The following CLK1 variants were observed in gnomAD, a reference collection of about 807,000 sequenced individuals.
The protein encoded by CLK1 is dual specificity protein kinase CLK1.
In CLK1, 40 loss-of-function variants were observed where a neutral mutation model predicts 60.9. That is an observed-to-expected ratio of 0.66 (90% CI 0.51 to 0.86). The LOEUF (loss-of-function observed/expected upper bound fraction) is 0.86, where lower values mean the gene tolerates loss of function less well. Among genes scored for constraint, CLK1 ranks in the 40% least tolerant of loss-of-function variants. CLK1 has a pLI of 0.00. For missense variants in CLK1, 563 were observed against 606.1 expected, an observed-to-expected ratio of 0.93 and a Z score of 0.75; for synonymous variants, 203 against 184.4, an observed-to-expected ratio of 1.10 and a Z score of -0.82.
At chr2:200,861,096 C>T in intron 3 of CLK1, 142 bp downstream of exon 3, 2 of 1,455,766 alleles carry the variant, frequency 1.4e-6, no homozygotes, top group Non-Finnish European at 1.8e-6. Context: ...CTATCCAATG[C>T]ACAAACACAG....
At chr2:200,860,603 G>A in intron 3 of CLK1, 1 of 998,020 alleles carries the variant, frequency 1.0e-6, no homozygotes. Context: ...ACTTGTCAAA[G>A]TAGGCGGTGG....
At chr2:200,854,218 G>C (rs766304752) in intron 11 of CLK1, 1 of 402,312 alleles carries the variant, frequency 2.5e-6, no homozygotes, top group Non-Finnish European at 4.4e-6. Context: ...CCTGAGACTT[G>C]GTAGAGTGAA....
In CLK1 at chr2:200,860,198, T is replaced by C; in HGVS notation, c.408A>G (p.Lys136=). Residue 136 remains lysine (K), a synonymous_variant, in exon 4 of 13, where the codon AAA becomes AAG. Transcript: ENST00000321356. ...RRSHGKSHRR[K]RTRSVEDDEE... is the part of the protein sequence containing the mutation. ...CATCATCCTCTACACTCCTGGTTCTTTTCCTTCGGTGACTCTTCTGGAAAC... is the reference window on the plus strand; with the variant it reads ...CATCATCCTCTACACTCCTGGTTCTCTTCCTTCGGTGACTCTTCTGGAAAC... The C allele has an allele frequency of 6.2e-7, 1 of 1,614,116 alleles. No individual in the cohort carries two copies. Among genetic ancestry groups the C allele is most frequent in the Non-Finnish European group, 8.5e-7 (1 of 1,180,002 alleles).
In CLK1 at chr2:200,853,275, A is replaced by T. The variant is rs766187491; in HGVS notation, c.*31T>A. On this transcript the variant is annotated 3_prime_UTR_variant, in exon 13 of 13. Transcript: ENST00000321356. ...AAATTAGACTGATACAGTCTGTAAG[A>T]TCTCTTCGAGAGAGCTGTCCAATTA... 2 of 1,549,332 alleles carry T rather than the reference A, an allele frequency of 1.3e-6. No individual in the cohort carries two copies. The highest frequency in any genetic ancestry group is 1.7e-6 in the Non-Finnish European group (2 of 1,143,394).
rs2039050750 is a variant in CLK1, at chr2:200,856,790, T to C, written c.949A>G (p.Ile317Val). Residue 317 changes from isoleucine (I) to valine (V), a missense_variant, in exon 9 of 13, where the codon ATA (isoleucine) becomes GTA (valine). By Grantham distance (29) the Ile-to-Val change is conservative. Coordinates refer to ENST00000321356, the MANE Select transcript of CLK1 (RefSeq NM_004071.4). ...TCTACAACTTTAATATCTGGATTTATTAAGGTGCGTTCATCACGTTTCTGA... is the reference window on the plus strand; with the variant it reads ...TCTACAACTTTAATATCTGGATTTACTAAGGTGCGTTCATCACGTTTCTGA... Reference protein sequence around the residue: ...PKIKRDERTLINPDIKVVDFG... With the variant: ...PKIKRDERTLVNPDIKVVDFG... 2 of 1,613,582 alleles carry C rather than the reference T, an allele frequency of 1.2e-6. No individual in the cohort carries two copies. Among genetic ancestry groups the C allele is most frequent in the Non-Finnish European group, 1.7e-6 (2 of 1,179,814 alleles).
chr2:200,855,151 T>C, intron 9 of CLK1, 65 bp from the exon 10 acceptor site: 2 of 1,210,250 alleles, frequency 1.7e-6, no homozygotes, highest in East Asian at 2.4e-5. Context: ...ATTAAAAAGT[T>C]AGTTAACACT....
rs752557590 is a variant in CLK1, at chr2:200,857,721, TCA to T, written c.827_828del (p.Val276GlufsTer6). 2.5e-6 allele frequency: 4 copies of T among 1,586,938 alleles called. No homozygotes were observed. The highest frequency in any genetic ancestry group is 3.4e-6 in the Non-Finnish European group (4 of 1,166,428). ...CGAAGATATACCAAGAACTTACAAT[TCA>T]CAGACTTGCATATCTGATATGCCAT... ...RKMAYQICKS[V>X]NFLHSNKLTH... On this transcript the variant is annotated frameshift_variant, in exon 7 of 13. Transcript: ENST00000321356. LOFTEE classifies it high-confidence loss of function.
intron 11 of CLK1, 92 bp from the exon 12 acceptor site, chr2:200,854,085 T>G (rs1158379980): frequency 1.3e-6 from 1 of 780,974 alleles, no homozygotes; most frequent in African/African-American, 1.8e-5. Context: ...CCCAGATCAC[T>G]TTTCTAGAGA....
intron 1 of CLK1, among the ~76,000 whole-genome samples, chr2:200,862,248 T>A (rs548398984): frequency 6.6e-6 from 1 of 152,210 alleles, no homozygotes; most frequent in Non-Finnish European, 1.5e-5. Flanking sequence ...AGCCATCATA[T>A]CCCCAGTGAC....
intron 7 of CLK1, 107 bp from the exon 8 acceptor site, chr2:200,857,092 G>A: frequency 2.4e-6 from 2 of 835,810 alleles, no homozygotes; most frequent in South Asian, 1.5e-5. Flanking sequence ...AATCACCTGA[G>A]GTCAGGAGTT....
At chr2:200,863,188 C>G (rs1291699160) in intron 1 of CLK1, 1 of 151,988 alleles carries the variant, frequency 6.6e-6, no homozygotes, top group African/African-American at 2.4e-5. Context: ...GGGTTGTATA[C>G]TAATTTTCGT....
chr2:200,863,972 C>T, intron 1 of CLK1: 1 of 1,069,522 alleles, frequency 9.3e-7, no homozygotes, highest in Non-Finnish European at 1.3e-6. Flanking sequence ...ATTTCTCTTT[C>T]CTTGGGTTCC....
intron 3 of CLK1, chr2:200,860,436 T>C: frequency 1.6e-6 from 2 of 1,269,472 alleles, no homozygotes. Flanking sequence ...AAGGAACAGA[T>C]TTTCAGATAA....
At chr2:200,863,028 A>C (rs539304750) in intron 1 of CLK1, 2 of 152,240 alleles carry the variant, frequency 1.3e-5, no homozygotes, top group Admixed American at 6.5e-5. Flanking sequence ...AAATGCTTCG[A>C]GCAAAATCGA....
Position 200,861,264 on chromosome 2 carries a change from T to G in CLK1, c.364A>C (p.Ser122Arg). The change falls in exon 3 of 13, where the codon AGT (serine) becomes CGT (arginine). Residue 122 changes from serine (S) to arginine (R), a missense_variant. Ser to Arg is a moderately radical substitution (Grantham distance 110). Transcript: ENST00000321356. Reference sequence around the variant, plus strand: ...CCATGTGAACGACGATGTGAAGTACTGTGGTGAATCCTGTGTTTGCTTTTA... The same window carrying G: ...CCATGTGAACGACGATGTGAAGTACGGTGGTGAATCCTGTGTTTGCTTTTA... The part of the protein sequence containing the change: ...SYKSKHRIHH[S>R]TSHRRSHGKS... 1 of 1,614,212 alleles carries G rather than the reference T, an allele frequency of 6.2e-7. No homozygotes were observed. Among genetic ancestry groups the G allele is most frequent in the Non-Finnish European group, 8.5e-7 (1 of 1,180,026 alleles).
chr2:200,857,682 A>C (rs776471227), intron 7 of CLK1, 36 bp downstream of exon 7: 4 of 1,535,308 alleles, frequency 2.6e-6, no homozygotes, highest in African/African-American at 1.4e-5. Context: ...GAATGGATAA[A>C]ACCAGCAAAT....
chr2:200,860,968 A>G (rs557272246), intron 3 of CLK1: 3 of 1,211,358 alleles, frequency 2.5e-6, no homozygotes, highest in East Asian at 3.9e-5. Context: ...ATTTTGTAAT[A>G]ATTTTCAACT....
At chr2:200,859,846 A>G in intron 4 of CLK1, 100 bp from the exon 5 acceptor site, 1 of 1,530,586 alleles carries the variant, frequency 6.5e-7, no homozygotes, top group South Asian at 1.3e-5. Flanking sequence ...TGATGCTACA[A>G]ATTTCCTTAT....
At chr2:200,864,336 T>G (rs991118304) in intron 1 of CLK1, 1 of 1,367,210 alleles carries the variant, frequency 7.3e-7, no homozygotes, top group Non-Finnish European at 9.5e-7. Context: ...GCGGCCGGCC[T>G]AGCAAACACC....
Sources: gnomAD v4.1 joint callset for allele counts (sites outside exome capture counted in the v4.1 genomes callset) on GRCh38, gnomAD v4.1.1 for gene constraint, MANE v1.5 for transcripts, NCBI Gene and HGNC (gene_info 2026-07-23, HGNC 2026-07-21) for gene names.